The following CEP112 variants were observed in gnomAD, a reference collection of about 807,000 sequenced individuals.
The protein encoded by CEP112 is centrosomal protein 112.
CEP112 carries 127 observed loss-of-function variants against 153.0 expected under a neutral mutation model. The observed-to-expected ratio is 0.83, with a 90% CI of 0.72 to 0.96. CEP112 has a LOEUF of 0.96. Ranked by LOEUF, CEP112 falls within the 40% of genes least tolerant of loss-of-function variation. The pLI, the probability that CEP112 is intolerant of heterozygous loss-of-function variation, is 0.00. For synonymous variants in CEP112, 358 were observed against 374.4 expected (o/e 0.96, Z 0.51); for missense variants, 1,089 against 1,101.2 (o/e 0.99, Z 0.16).
At chr17:66,081,283 CTAAA>C (rs2067706710) in intron 8 of CEP112, among the ~76,000 whole-genome samples, 1 of 151,714 alleles carries the variant, frequency 6.6e-6, no homozygotes, top group Admixed American at 6.6e-5. Flanking sequence ...GGTATTAATG[CTAAA>C]ATCAATATTA....
chr17:65,969,532 GTA>G (rs1397693359), intron 17 of CEP112, among the ~76,000 whole-genome samples: 39 of 152,144 alleles, frequency 2.6e-4, no homozygotes, highest in African/African-American at 8.9e-4. Context: ...TATATTGCAT[GTA>G]TGTTACTTAA....
intron 4 of CEP112, among the ~76,000 whole-genome samples, chr17:66,154,185 A>G (rs948810531): frequency 6.9e-6 from 1 of 144,656 alleles, no homozygotes; most frequent in Non-Finnish European, 1.6e-5. Context: ...CTCAAAAAAA[A>G]GGGGGGGCCA....
intron 17 of CEP112, among the ~76,000 whole-genome samples, chr17:65,970,797 G>A (rs773833954): frequency 9.1e-5 from 4 of 44,090 alleles, no homozygotes; most frequent in Non-Finnish European, 1.9e-4. Flanking sequence ...AATGTATATT[G>A]CACATGTGTA....
At chr17:66,141,417 G>A (rs1255012163) in intron 4 of CEP112, among the ~76,000 whole-genome samples, 2 of 131,898 alleles carry the variant, frequency 1.5e-5, no homozygotes, top group African/African-American at 2.9e-5. Context: ...CTTTTATTGT[G>A]GTAAAAATAC....
intron 4 of CEP112, among the ~76,000 whole-genome samples, chr17:66,155,007 C>A (rs187527417): frequency 1.3e-5 from 2 of 152,128 alleles, no homozygotes; most frequent in Admixed American, 1.3e-4. Context: ...CTCTCTCTCT[C>A]TTCTCACTTT....
intron 4 of CEP112, among the ~76,000 whole-genome samples, chr17:66,159,533 A>G (rs1395992134): frequency 2.0e-5 from 3 of 152,220 alleles, no homozygotes. Context: ...CTGGGATGCA[A>G]GGCTGGTTCA....
chr17:66,050,019 C>T (rs1400987595), intron 12 of CEP112, among the ~76,000 whole-genome samples: 1 of 151,736 alleles, frequency 6.6e-6, no homozygotes, highest in Non-Finnish European at 1.5e-5. Context: ...TTAAAAAACT[C>T]AAATTTAAAG....
chr17:66,165,301 C>T (rs2071905087), intron 4 of CEP112, among the ~76,000 whole-genome samples: 1 of 152,094 alleles, frequency 6.6e-6, no homozygotes, highest in African/African-American at 2.4e-5. Flanking sequence ...GTTTTTCAAT[C>T]ACACCAGCCA....
chr17:65,772,438 T>C (rs2053414361), intron 21 of CEP112, among the ~76,000 whole-genome samples: 1 of 152,050 alleles, frequency 6.6e-6, no homozygotes, highest in Non-Finnish European at 1.5e-5. Context: ...CTGTAGACAT[T>C]AATAGGGTAA....
In CEP112 at chr17:65,689,151, T is replaced by G. The variant is rs150039088; in HGVS notation, c.2675A>C (p.Lys892Thr). The G allele has an allele frequency of 2.7e-4, 434 of 1,612,666 alleles. 2 individuals are homozygous for G. The African/African-American group carries it at 5.3e-3, about 20-fold the overall frequency. ...VRCAEKKLQH[K>T]ELESQEQITY... ...TACCTGTTCCTGTGACTCCAATTCT[T>G]TGTGTTGTAATTTTTTCTCTGCACA... Residue 892 changes from lysine to threonine, a missense_variant, in exon 24 of 27, where the codon AAA (lysine) becomes ACA (threonine). Lys to Thr is a moderately conservative substitution (Grantham distance 78). Coordinates refer to ENST00000535342, the MANE Select transcript of CEP112 (RefSeq NM_001199165.4).
At chr17:65,813,686 A>G (rs992840788) in intron 21 of CEP112, among the ~76,000 whole-genome samples, 20 of 152,134 alleles carry the variant, frequency 1.3e-4, no homozygotes, top group African/African-American at 4.3e-4. Flanking sequence ...TAAAGTAGAT[A>G]AGGTGCGTGA....
intron 23 of CEP112, among the ~76,000 whole-genome samples, chr17:65,725,630 T>C (rs1316239136): frequency 6.6e-6 from 1 of 152,170 alleles, no homozygotes. Flanking sequence ...TTCATGCTGT[T>C]GGTAAAGATA....
At chr17:65,770,034 G>C (rs1485063271) in intron 21 of CEP112, among the ~76,000 whole-genome samples, 1 of 151,764 alleles carries the variant, frequency 6.6e-6, no homozygotes, top group Non-Finnish European at 1.5e-5. Context: ...CATATGTGTA[G>C]TTGTATCCCA....
At chr17:66,145,526 C>T (rs2070883934) in intron 4 of CEP112, among the ~76,000 whole-genome samples, 1 of 152,054 alleles carries the variant, frequency 6.6e-6, no homozygotes. Context: ...AGGCCTATAA[C>T]TCATTTCAGT....
At chr17:65,653,062 G>T (rs1453018572) in intron 24 of CEP112, among the ~76,000 whole-genome samples, 1 of 152,070 alleles carries the variant, frequency 6.6e-6, no homozygotes, top group Non-Finnish European at 1.5e-5. Flanking sequence ...CATTATGGGG[G>T]ACCTACCCTC....
chr17:65,700,314 A>G (rs1052213737), intron 23 of CEP112, among the ~76,000 whole-genome samples: 3 of 152,206 alleles, frequency 2.0e-5, no homozygotes, highest in Non-Finnish European at 4.4e-5. Flanking sequence ...GTGTACGGCA[A>G]GCTTATAAAG....
chr17:65,749,099 G>A (rs906277227), intron 22 of CEP112, among the ~76,000 whole-genome samples: 2 of 152,154 alleles, frequency 1.3e-5, no homozygotes, highest in African/African-American at 4.8e-5. Flanking sequence ...CTTCCTCAAG[G>A]AAGGGCTGGA....
chr17:66,006,560 C>T (rs1040570736), intron 16 of CEP112, among the ~76,000 whole-genome samples: 9 of 151,758 alleles, frequency 5.9e-5, no homozygotes, highest in African/African-American at 1.2e-4. Context: ...GAGCCAAGAT[C>T]GCACCCCTGC....
At chr17:65,931,625 C>A (rs62063077) in intron 18 of CEP112, among the ~76,000 whole-genome samples, 1,579 of 152,318 alleles carry the variant, frequency 0.01, 18 homozygotes, top group Non-Finnish European at 0.018. Context: ...TGGAGGCACC[C>A]AACCAGAGAG....
Sources: gnomAD v4.1 joint callset for allele counts (sites outside exome capture counted in the v4.1 genomes callset) on GRCh38, gnomAD v4.1.1 for gene constraint, MANE v1.5 for transcripts, NCBI Gene and HGNC (gene_info 2026-07-23, HGNC 2026-07-21) for gene names.